The following UBE2R2 variants were observed in gnomAD, a reference collection of about 807,000 sequenced individuals.
UBE2R2 encodes the protein ubiquitin conjugating enzyme E2 R2, also known as ubiquitin-conjugating enzyme E2 R2.
A neutral mutation model predicts 27.8 loss-of-function variants in UBE2R2; 1 was observed. The observed-to-expected ratio is 0.04, with a 90% CI of 0.01 to 0.17. The LOEUF is 0.17. Among genes scored for constraint, UBE2R2 ranks in the 10% least tolerant of loss-of-function variants. UBE2R2 has a pLI of 1.00. For missense variants in UBE2R2, 100 were observed against 291.0 expected, an observed-to-expected ratio of 0.34 and a Z score of 4.78; for synonymous variants, 106 against 113.3, an observed-to-expected ratio of 0.94 and a Z score of 0.41.
Position 33,915,887 on chromosome 9 carries a change from A to G in UBE2R2, c.498-1131A>G, listed in dbSNP as rs1822629232. Among the ~76,000 whole-genome samples, 6 of 152,246 alleles carry G rather than the reference A, an allele frequency of 3.9e-5. No individual in the cohort carries two copies. The South Asian group carries it at 1.2e-3, about 32-fold the overall frequency. ...CAGGCCTTCTCTAAGGTGATATTTA[A>G]GCCTTAATATCTGAGGCCGTGATTC... On this transcript the variant is annotated intron_variant, in intron 4 of 4. Coordinates refer to ENST00000263228, the MANE Select transcript of UBE2R2 (RefSeq NM_017811.4).
rs576054840 is a variant in UBE2R2 at position 33,918,229 on chromosome 9, A to G, written c.*992A>G. ...CCATCAAAAATACACTCGTACCATG[A>G]CGTTTTGTTTTTGTTTTTTAAGTAG... On this transcript the variant is annotated 3_prime_UTR_variant, in exon 5 of 5. Transcript: ENST00000263228. 6.6e-6 allele frequency: 1 copy of G among 152,182 alleles called. No individual in the cohort carries two copies. Among genetic ancestry groups the G allele is most frequent in the South Asian group, 2.1e-4 (1 of 4,828 alleles). 9.4% of individuals were successfully genotyped at this position (152,182 alleles called of 1,614,324 possible).
chr9:33,863,238 G>A (rs918454738), intron 1 of UBE2R2, among the ~76,000 whole-genome samples: 1 of 151,212 alleles, frequency 6.6e-6, no homozygotes, highest in African/African-American at 2.4e-5. Context: ...ATGGGTACAT[G>A]GTAAGCCGGG....
chr9:33,884,344 G>GT (rs1480235232), intron 1 of UBE2R2, among the ~76,000 whole-genome samples: 3 of 147,320 alleles, frequency 2.0e-5, no homozygotes, highest in Non-Finnish European at 4.5e-5. Flanking sequence ...GAGTGCAGTG[G>GT]TATGATCATA....
chr9:33,845,185 TTTC>T (rs1820816407), intron 1 of UBE2R2, among the ~76,000 whole-genome samples: 1 of 151,972 alleles, frequency 6.6e-6, no homozygotes, highest in African/African-American at 2.4e-5. Context: ...CATTCCTTTT[TTTC>T]TTTTTTGTTT....
intron 1 of UBE2R2, among the ~76,000 whole-genome samples, chr9:33,842,190 A>G (rs1158279512): frequency 1.3e-5 from 2 of 152,146 alleles, no homozygotes. Context: ...ACTTGAGCCC[A>G]GGAATTCTCC....
At chr9:33,902,738 G>C (rs1483693682) in intron 3 of UBE2R2, among the ~76,000 whole-genome samples, 1 of 152,170 alleles carries the variant, frequency 6.6e-6, no homozygotes, top group Non-Finnish European at 1.5e-5. Context: ...GGGGAAAAGT[G>C]TCCTACGTAG....
intron 1 of UBE2R2, among the ~76,000 whole-genome samples, chr9:33,831,495 C>T (rs2130726202): frequency 6.6e-6 from 1 of 152,242 alleles, no homozygotes; most frequent in African/African-American, 2.4e-5. Flanking sequence ...CGGCTCACTG[C>T]AACCTCCACC....
intron 1 of UBE2R2, among the ~76,000 whole-genome samples, chr9:33,855,019 ATAT>A (rs1821070194): frequency 1.7e-5 from 1 of 57,204 alleles, no homozygotes; most frequent in Non-Finnish European, 3.6e-5. Context: ...TAGTTAATTC[ATAT>A]TAACATTCCT....
chr9:33,816,842 T>A (rs183358927), upstream of UBE2R2, among the ~76,000 whole-genome samples: 7 of 152,324 alleles, frequency 4.6e-5, no homozygotes, highest in East Asian at 1.4e-3. Context: ...GGCACGCCTT[T>A]GGAACTGCGG....
intron 1 of UBE2R2, among the ~76,000 whole-genome samples, chr9:33,851,606 T>C (rs1820968400): frequency 6.6e-6 from 1 of 152,198 alleles, no homozygotes; most frequent in Non-Finnish European, 1.5e-5. Flanking sequence ...AGGTGGTACA[T>C]GATTTTGATT....
chr9:33,838,906 A>G (rs1254309363), intron 1 of UBE2R2, among the ~76,000 whole-genome samples: 1 of 151,874 alleles, frequency 6.6e-6, no homozygotes. Context: ...ACATGGAGAA[A>G]CCTGGTCTAT....
At chr9:33,875,034 C>T (rs1337027748) in intron 1 of UBE2R2, among the ~76,000 whole-genome samples, 1 of 150,886 alleles carries the variant, frequency 6.6e-6, no homozygotes, top group Non-Finnish European at 1.5e-5. Context: ...AGGCTGGTCT[C>T]GAACTCCTGA....
Position 33,886,877 on chromosome 9 carries a change from T to C in UBE2R2, c.178-4T>C, listed in dbSNP as rs980365787. On this transcript the variant is annotated splice_polypyrimidine_tract_variant and splice_region_variant and intron_variant, in intron 1 of 4. Transcript: ENST00000263228. ...TATTAGCATTTCATTTTTTTTCTTT[T>C]CAGGCGCATATTAAATTTCCTATTG... The C allele has an allele frequency of 6.3e-7, 1 of 1,579,662 alleles. No individual in the cohort carries two copies. Among genetic ancestry groups the C allele is most frequent in the Non-Finnish European group, 8.5e-7 (1 of 1,171,986 alleles).
At chr9:33,865,825 G>GTT (rs550873521) in intron 1 of UBE2R2, among the ~76,000 whole-genome samples, 1 of 143,154 alleles carries the variant, frequency 7.0e-6, no homozygotes, top group Non-Finnish European at 1.5e-5. Flanking sequence ...TTTTTTGTGT[G>GTT]TTTTTTTTTG....
intron 1 of UBE2R2, among the ~76,000 whole-genome samples, chr9:33,858,224 G>A (rs765976154): frequency 9.9e-5 from 15 of 152,096 alleles, no homozygotes; most frequent in Non-Finnish European, 7.3e-5. Flanking sequence ...GTTAGATTCC[G>A]AAAGGTAGCT....
At position 33,877,004 on chromosome 9, in the gene UBE2R2, C is replaced by T. The variant is rs139004938; in HGVS notation, c.178-9877C>T. ...CTAAAAATAACAAAAATTAGCCAGG[C>T]ATGTTGGCACATGCCTGTAATCCCA... On this transcript the variant is annotated intron_variant, in intron 1 of 4. Transcript: ENST00000263228. Among the ~76,000 whole-genome samples the T allele has an allele frequency of 3.1e-3, 475 of 151,918 alleles. 3 individuals carry two copies. The highest frequency in any genetic ancestry group is 0.011 in the African/African-American group (440 of 41,452).
chr9:33,900,175 A>G lies in UBE2R2; in HGVS notation c.266A>G (p.Asn89Ser). 1 of 1,611,674 alleles carries G rather than the reference A, an allele frequency of 6.2e-7. No homozygotes were observed. Among genetic ancestry groups the G allele is most frequent in the Non-Finnish European group, 8.5e-7 (1 of 1,178,296 alleles). The change falls in exon 3 of 5, where the codon AAT (asparagine) becomes AGT (serine). Residue 89 changes from asparagine (N) to serine (S), a missense_variant and splice_region_variant. Transcript: ENST00000263228. ...TKMWHPNIYE[N>S]GDVCISILHP... ...GAATGTAATGTTTGTGTCTTGTAGA[A>G]TGGAGATGTATGCATTTCGATTCTT... is the stretch of plus-strand genomic sequence containing the variant.
At chr9:33,878,849 G>A (rs1427270944) in intron 1 of UBE2R2, among the ~76,000 whole-genome samples, 1 of 152,148 alleles carries the variant, frequency 6.6e-6, no homozygotes, top group Non-Finnish European at 1.5e-5. Context: ...CAGGAAGATT[G>A]TGAGTTATTT....
Position 33,817,740 on chromosome 9 carries a change from G to A in UBE2R2, c.-18G>A. The A allele has an allele frequency of 2.0e-6, 3 of 1,488,730 alleles. No homozygotes were observed. Among genetic ancestry groups the A allele is most frequent in the Admixed American group, 2.2e-5 (1 of 44,764 alleles). The allele number at this position is 1,488,730 out of a possible 1,614,324, so 92.2% of individuals were successfully genotyped here. ...ACTGGGGCCCGGGCCCGGCGCCGCC[G>A]CCGCCGCCGCCGCCGCGATGGCCCA... On this transcript the variant is annotated 5_prime_UTR_variant, in exon 1 of 5. Transcript: ENST00000263228.
Sources: gnomAD v4.1 joint callset for allele counts (sites outside exome capture counted in the v4.1 genomes callset) on GRCh38, gnomAD v4.1.1 for gene constraint, MANE v1.5 for transcripts, NCBI Gene and HGNC (gene_info 2026-07-23, HGNC 2026-07-21) for gene names.